AKAP13: variants seen among roughly 807,000 people sequenced by gnomAD.
The protein encoded by AKAP13 is A-kinase anchor protein 13.
A neutral mutation model predicts 264.5 loss-of-function variants in AKAP13; 80 were observed. The observed-to-expected ratio is 0.30, with a 90% CI of 0.25 to 0.36. AKAP13 has a LOEUF of 0.36. Ranked by LOEUF, AKAP13 falls within the 10% of genes least tolerant of loss-of-function variation. The probability of loss-of-function intolerance (pLI) is 1.00; values close to 1 mark genes in which losing one functional copy is unlikely to be tolerated. For missense variants in AKAP13, 3,712 were observed against 3,435.2 expected, an observed-to-expected ratio of 1.08 and a Z score of -2.01; for synonymous variants, 1,380 against 1,250.2, an observed-to-expected ratio of 1.10 and a Z score of -2.19.
At chr15:85,741,944 C>G (rs989660438) in intron 35 of AKAP13, among the ~76,000 whole-genome samples, 2 of 152,092 alleles carry the variant, frequency 1.3e-5, no homozygotes, top group African/African-American at 2.4e-5. Flanking sequence ...GCTTGGGAGT[C>G]TGAGGCATGA....
rs1597260549 is a variant in AKAP13 at position 85,747,898 on chromosome 15, C to G, written c.*3221C>G. 1 of 153,332 alleles carries G rather than the reference C, an allele frequency of 6.5e-6. No individual in the cohort carries two copies. The highest frequency in any genetic ancestry group is 2.1e-4 in the South Asian group (1 of 4,820). 9.5% of individuals were successfully genotyped at this position (153,332 alleles called of 1,614,324 possible). On this transcript the variant is annotated 3_prime_UTR_variant, in exon 37 of 37. Transcript: ENST00000394518. ...TGCTCATTTTCTCCCGTATTTGTTA[C>G]CTTCCTGAGGCCTCAGTATTAGTCG...
At chr15:85,644,104 A>G (rs535046593) in intron 9 of AKAP13, among the ~76,000 whole-genome samples, 8 of 152,276 alleles carry the variant, frequency 5.3e-5, no homozygotes, top group Admixed American at 2.6e-4. Context: ...TAACTCCTAG[A>G]TAGCCAGGTT....
chr15:85,649,708 C>T (rs1442050231), intron 10 of AKAP13, among the ~76,000 whole-genome samples: 1 of 152,078 alleles, frequency 6.6e-6, no homozygotes, highest in African/African-American at 2.4e-5. Flanking sequence ...ATGAGCTTCA[C>T]GTTTATTCTC....
chr15:85,620,833 ACT>A (rs748761100), intron 8 of AKAP13, among the ~76,000 whole-genome samples: 11 of 151,858 alleles, frequency 7.2e-5, no homozygotes, highest in Non-Finnish European at 1.2e-4. Flanking sequence ...GAGGGCGGAG[ACT>A]CTGAATAGCT....
intron 3 of AKAP13, among the ~76,000 whole-genome samples, chr15:85,527,831 A>ACTTT: frequency 6.6e-6 from 1 of 152,298 alleles, no homozygotes; most frequent in East Asian, 1.9e-4. Context: ...TATCATAGAC[A>ACTTT]CTTCATAAGG....
intron 1 of AKAP13, among the ~76,000 whole-genome samples, chr15:85,437,319 C>G: frequency 6.6e-6 from 1 of 152,106 alleles, no homozygotes; most frequent in East Asian, 1.9e-4. Flanking sequence ...GAAATTATGG[C>G]AATAATCAAT....
At chr15:85,487,541 A>G (rs2075593498) in intron 2 of AKAP13, among the ~76,000 whole-genome samples, 1 of 152,064 alleles carries the variant, frequency 6.6e-6, no homozygotes, top group Admixed American at 6.5e-5. Context: ...CATTAATGTG[A>G]TATATTACAT....
chr15:85,680,717 A>G (rs764496135), intron 14 of AKAP13, among the ~76,000 whole-genome samples: 3 of 152,198 alleles, frequency 2.0e-5, no homozygotes, highest in East Asian at 1.9e-4. Flanking sequence ...ATTTGTAACA[A>G]TAATAGATAA....
Position 85,664,639 on chromosome 15 carries a change from A to C in AKAP13, c.4876A>C (p.Asn1626His). The change falls in exon 13 of 37, where the codon AAT (asparagine) becomes CAT (histidine). Residue 1626 changes from asparagine to histidine, a missense_variant. Asn to His is a moderately conservative substitution (Grantham distance 68). Transcript: ENST00000394518. ...PSSSLEVSSA[N>H]AEELRHPFSG... ...CTCATCTCTAGAAGTAAGCTCTGCA[A>C]ATGCCGAAGAGCTCAGACACCCATT... 6.2e-7 allele frequency: 1 copy of C among 1,614,110 alleles called. No individual in the cohort carries two copies. Among genetic ancestry groups the C allele is most frequent in the Non-Finnish European group, 8.5e-7 (1 of 1,179,966 alleles).
rs749725200 is a variant in AKAP13 at position 85,557,992 on chromosome 15, C to T, written c.662+14037C>T. On this transcript the variant is annotated intron_variant, in intron 5 of 36. Transcript: ENST00000394518. ...TGGGTCTATAGCTTATACCACATGCCGTATTCCTATCTATGCTATGCCTCT... is the reference window on the plus strand; with the variant it reads ...TGGGTCTATAGCTTATACCACATGCTGTATTCCTATCTATGCTATGCCTCT... Among the ~76,000 whole-genome samples, 8 of 152,104 alleles carry T rather than the reference C, an allele frequency of 5.3e-5. No homozygotes were observed. In the East Asian group the frequency reaches 7.7e-4, roughly 15 times the overall value.
At chr15:85,460,948 AG>A (rs1007443577) in intron 1 of AKAP13, among the ~76,000 whole-genome samples, 63 of 101,996 alleles carry the variant, frequency 6.2e-4, no homozygotes, top group African/African-American at 1.9e-3. Context: ...GGGGGAACAG[AG>A]TTTTTTTTTT....
Position 85,746,517 on chromosome 15 carries a change from T to A in AKAP13, c.*1840T>A, listed in dbSNP as rs2089374335. 6.6e-6 allele frequency: 1 copy of A among 152,136 alleles called. No individual in the cohort carries two copies. Among genetic ancestry groups the A allele is most frequent in the African/African-American group, 2.4e-5 (1 of 41,422 alleles). The allele number at this position is 152,136 out of a possible 1,614,324, so 9.4% of individuals were successfully genotyped here. ...ATCAAAGGATGTCTTCTCCCTTGTT[T>A]GAGAATGAAGAAACTCGCCACCTCT... On this transcript the variant is annotated 3_prime_UTR_variant, in exon 37 of 37. Coordinates refer to ENST00000394518, the MANE Select transcript of AKAP13 (RefSeq NM_007200.5).
chr15:85,606,773 C>T (rs2080368565), intron 8 of AKAP13, among the ~76,000 whole-genome samples: 1 of 152,172 alleles, frequency 6.6e-6, no homozygotes, highest in African/African-American at 2.4e-5. Flanking sequence ...AATCTGAGAA[C>T]AGTAAGTTGA....
At chr15:85,631,166 C>G (rs2151447229) in intron 8 of AKAP13, among the ~76,000 whole-genome samples, 1 of 152,200 alleles carries the variant, frequency 6.6e-6, no homozygotes, top group East Asian at 1.9e-4. Context: ...AGTGAAAGAA[C>G]CCAGCATGAA....
At chr15:85,598,089 T>C (rs915564495) in intron 8 of AKAP13, among the ~76,000 whole-genome samples, 7 of 152,194 alleles carry the variant, frequency 4.6e-5, no homozygotes, top group Admixed American at 3.9e-4. Flanking sequence ...TTAATTTCTT[T>C]CTTTGTCATT....
At chr15:85,631,518 A>T (rs879764221) in intron 8 of AKAP13, among the ~76,000 whole-genome samples, 11,041 of 51,062 alleles carry the variant, frequency 0.22, 1,025 homozygotes, top group African/African-American at 0.4. Context: ...ACACACACAC[A>T]CACACACACA....
intron 1 of AKAP13, among the ~76,000 whole-genome samples, chr15:85,420,953 G>T (rs2072493527): frequency 1.3e-5 from 2 of 152,172 alleles, no homozygotes; most frequent in Non-Finnish European, 2.9e-5. Flanking sequence ...ATTTTAAGGA[G>T]TGTGGTTCAT....
At chr15:85,605,573 G>A (rs1435577710) in intron 8 of AKAP13, among the ~76,000 whole-genome samples, 1 of 152,058 alleles carries the variant, frequency 6.6e-6, no homozygotes, top group Non-Finnish European at 1.5e-5. Flanking sequence ...AAACAAACAT[G>A]GCACATGTTT....
At chr15:85,711,792 A>G (rs1196411505) in intron 19 of AKAP13, among the ~76,000 whole-genome samples, 1 of 152,136 alleles carries the variant, frequency 6.6e-6, no homozygotes, top group Non-Finnish European at 1.5e-5. Context: ...TGAATCACAA[A>G]CCGTGGGATG....
Sources: allele counts gnomAD v4.1 joint callset (sites outside exome capture counted in the v4.1 genomes callset), GRCh38; gene constraint gnomAD v4.1.1; transcripts MANE v1.5; gene names NCBI Gene and HGNC (gene_info 2026-07-23, HGNC 2026-07-21).